Variants in CNTNAP2 observed in about 807,000 individuals in gnomAD.
The protein encoded by CNTNAP2 is contactin associated protein 2, also known as contactin-associated protein-like 2.
CNTNAP2 carries 98 observed loss-of-function variants against 155.2 expected under a neutral mutation model. The observed-to-expected ratio is 0.63, with a 90% CI of 0.54 to 0.75. The LOEUF is 0.75. Among genes scored for constraint, CNTNAP2 ranks in the 30% least tolerant of loss-of-function variants. CNTNAP2 has a pLI of 0.00. For synonymous variants in CNTNAP2, 651 were observed against 631.2 expected (o/e 1.03, Z -0.47); for missense variants, 1,727 against 1,688.1 (o/e 1.02, Z -0.40).
chr7:147,045,946 A>G (rs1388129931), intron 4 of CNTNAP2, among the ~76,000 whole-genome samples: 3 of 152,150 alleles, frequency 2.0e-5, no homozygotes, highest in Non-Finnish European at 4.4e-5. Context: ...CAATTATTTA[A>G]TGAGCACTTT....
At chr7:147,367,941 A>G (rs1212792614) in intron 9 of CNTNAP2, among the ~76,000 whole-genome samples, 1 of 151,110 alleles carries the variant, frequency 6.6e-6, no homozygotes, top group Non-Finnish European at 1.5e-5. Flanking sequence ...GGCATGGTTG[A>G]TCTCACATAG....
intron 1 of CNTNAP2, among the ~76,000 whole-genome samples, chr7:146,477,065 A>G (rs1796888310): frequency 6.6e-6 from 1 of 152,224 alleles, no homozygotes; most frequent in Non-Finnish European, 1.5e-5. Flanking sequence ...TCATGGAATA[A>G]TAGAATCCAT....
At chr7:147,108,376 C>A in intron 5 of CNTNAP2, 26 bp downstream of exon 5, 4 of 1,588,762 alleles carry the variant, frequency 2.5e-6, no homozygotes, top group Middle Eastern at 1.7e-4. Flanking sequence ...CAGTTCTATT[C>A]TTTCCGTTAT....
chr7:148,052,993 GC>G (rs1802922569), intron 15 of CNTNAP2, among the ~76,000 whole-genome samples: 1 of 152,168 alleles, frequency 6.6e-6, no homozygotes, highest in African/African-American at 2.4e-5. Flanking sequence ...ATTTCAGTGA[GC>G]CTAAATCACG....
At chr7:147,968,131 G>T (rs1323848549) in intron 14 of CNTNAP2, among the ~76,000 whole-genome samples, 1 of 152,202 alleles carries the variant, frequency 6.6e-6, no homozygotes, top group East Asian at 1.9e-4. Context: ...ACACTTTTGT[G>T]TTGATTGTAC....
chr7:146,132,747 AT>A (rs1238510305), intron 1 of CNTNAP2, among the ~76,000 whole-genome samples: 1 of 151,200 alleles, frequency 6.6e-6, no homozygotes, highest in East Asian at 2.0e-4. Flanking sequence ...TGAACTCATC[AT>A]TTTTTATGGC....
At chr7:146,688,700 A>G (rs1471959152) in intron 1 of CNTNAP2, among the ~76,000 whole-genome samples, 1 of 152,124 alleles carries the variant, frequency 6.6e-6, no homozygotes, top group Non-Finnish European at 1.5e-5. Context: ...GCTTCAGGCC[A>G]TCTGGATGTA....
At chr7:146,138,549 A>G (rs999864502) in intron 1 of CNTNAP2, among the ~76,000 whole-genome samples, 2 of 152,168 alleles carry the variant, frequency 1.3e-5, no homozygotes, top group African/African-American at 4.8e-5. Context: ...ACATTTCATT[A>G]TGGGTAAGAA....
rs577986500 is a variant in CNTNAP2 at position 147,541,945 on chromosome 7, C to T, written c.1778-20193C>T. Among the ~76,000 whole-genome samples the T allele has an allele frequency of 1.4e-3, 209 of 152,168 alleles. 1 individual carries two copies. The highest frequency in any genetic ancestry group is 3.4e-3 in the Middle Eastern group (1 of 294). ...AGTTTTGGCCCAGATAACAGACATG[C>T]CTATAAATGAGAGCCAGTGGCACAT... On this transcript the variant is annotated intron_variant, in intron 11 of 23. Coordinates refer to ENST00000361727, the MANE Select transcript of CNTNAP2 (RefSeq NM_014141.6).
At chr7:148,225,926 G>A (rs1795839909) in intron 19 of CNTNAP2, among the ~76,000 whole-genome samples, 3 of 152,304 alleles carry the variant, frequency 2.0e-5, no homozygotes, top group Admixed American at 1.3e-4. Flanking sequence ...CTTTTGGGGA[G>A]AGAAGATGGA....
intron 20 of CNTNAP2, among the ~76,000 whole-genome samples, chr7:148,257,077 TG>T (rs1226874512): frequency 6.6e-6 from 1 of 152,072 alleles, no homozygotes; most frequent in African/African-American, 2.4e-5. Flanking sequence ...TGAGCACACC[TG>T]GGAGTGCACA....
intron 1 of CNTNAP2, among the ~76,000 whole-genome samples, chr7:146,273,792 T>A (rs888666123): frequency 6.6e-6 from 1 of 152,180 alleles, no homozygotes; most frequent in East Asian, 1.9e-4. Context: ...ACTGGCCGGT[T>A]ACTTAAAACC....
At chr7:146,350,622 A>C (rs565496047) in intron 1 of CNTNAP2, among the ~76,000 whole-genome samples, 2 of 151,436 alleles carry the variant, frequency 1.3e-5, no homozygotes, top group Non-Finnish European at 2.9e-5. Context: ...TCAGTGTGGC[A>C]ATTCCTCAGG....
At chr7:148,028,452 AC>A (rs1214028571) in intron 15 of CNTNAP2, among the ~76,000 whole-genome samples, 1 of 152,014 alleles carries the variant, frequency 6.6e-6, no homozygotes, top group East Asian at 1.9e-4. Context: ...CAAACTGATG[AC>A]CCCCGGACAG....
intron 1 of CNTNAP2, among the ~76,000 whole-genome samples, chr7:146,545,462 G>A (rs1226306210): frequency 1.3e-5 from 2 of 151,360 alleles, no homozygotes; most frequent in Non-Finnish European, 3.0e-5. Context: ...ATCTACATTA[G>A]GTATTTCTCC....
chr7:147,775,349 T>C (rs1183723473), intron 13 of CNTNAP2, among the ~76,000 whole-genome samples: 6 of 36,476 alleles, frequency 1.6e-4, no homozygotes, highest in African/African-American at 2.3e-4. Context: ...ATATATATAT[T>C]TATATATATT....
intron 13 of CNTNAP2, among the ~76,000 whole-genome samples, chr7:147,648,574 T>C (rs1795403684): frequency 6.6e-6 from 1 of 152,204 alleles, no homozygotes; most frequent in African/African-American, 2.4e-5. Context: ...ACAATCATGA[T>C]GGAAAGTGAA....
At chr7:147,372,294 C>T (rs1329438759) in intron 9 of CNTNAP2, among the ~76,000 whole-genome samples, 2 of 152,090 alleles carry the variant, frequency 1.3e-5, no homozygotes, top group African/African-American at 4.8e-5. Context: ...ACAGCTTACC[C>T]TAGTGTAAGG....
chr7:146,509,489 T>C (rs2129134964), intron 1 of CNTNAP2, among the ~76,000 whole-genome samples: 1 of 152,280 alleles, frequency 6.6e-6, no homozygotes, highest in Non-Finnish European at 1.5e-5. Context: ...CGTTGGGGTA[T>C]AGGCAGTGTA....
Sources: gnomAD v4.1 joint callset for allele counts (sites outside exome capture counted in the v4.1 genomes callset) on GRCh38, gnomAD v4.1.1 for gene constraint, MANE v1.5 for transcripts, NCBI Gene and HGNC (gene_info 2026-07-23, HGNC 2026-07-21) for gene names.